The following CSTPP1 variants were observed in gnomAD, a reference collection of about 807,000 sequenced individuals.
CSTPP1 encodes centriolar satellite-associated tubulin polyglutamylase complex regulator 1.
chr11:47,009,205 G>C, the CSTPP1 span, among the ~76,000 whole-genome samples: 1 of 152,006 alleles, frequency 6.6e-6, no homozygotes, highest in Non-Finnish European at 1.5e-5. Flanking sequence ...TGCCTTGGTG[G>C]CTCTCTGATG....
chr11:46,944,318 A>C, the CSTPP1 span, among the ~76,000 whole-genome samples: 1 of 105,332 alleles, frequency 9.5e-6, no homozygotes, highest in South Asian at 2.3e-4. Flanking sequence ...ACTGCTTCTC[A>C]AAAAAAAAAA....
At chr11:46,948,667 A>G in the CSTPP1 span, among the ~76,000 whole-genome samples, 8 of 152,298 alleles carry the variant, frequency 5.3e-5, no homozygotes, top group East Asian at 1.5e-3. Context: ...AGAGTTTTAT[A>G]CACTCCTCAT....
chr11:47,137,213 T>G, the CSTPP1 span: 1 of 1,193,014 alleles, frequency 8.4e-7, no homozygotes. Flanking sequence ...TAGTACTGCT[T>G]CCAGATATTC....
chr11:46,949,560 G>T, the CSTPP1 span, among the ~76,000 whole-genome samples: 5 of 151,874 alleles, frequency 3.3e-5, no homozygotes, highest in African/African-American at 4.8e-5. Context: ...ATTTATTTTT[G>T]ATATCATATT....
chr11:47,061,516 G>T, the CSTPP1 span, among the ~76,000 whole-genome samples: 2 of 152,280 alleles, frequency 1.3e-5, no homozygotes, highest in African/African-American at 4.8e-5. Context: ...AAATCATTCA[G>T]TGAGGATTAA....
chr11:47,027,258 G>A, the CSTPP1 span, among the ~76,000 whole-genome samples: 4 of 152,164 alleles, frequency 2.6e-5, no homozygotes, highest in Non-Finnish European at 5.9e-5. Flanking sequence ...GCACCTGCGA[G>A]TTTACCATAG....
the CSTPP1 span, among the ~76,000 whole-genome samples, chr11:47,063,825 C>T: frequency 3.3e-5 from 5 of 152,104 alleles, no homozygotes; most frequent in Non-Finnish European, 5.9e-5. Flanking sequence ...CTTTCCATTA[C>T]TTTGGGCACA....
At chr11:47,136,917 T>C in the CSTPP1 span, among the ~76,000 whole-genome samples, 1 of 152,216 alleles carries the variant, frequency 6.6e-6, no homozygotes, top group African/African-American at 2.4e-5. Flanking sequence ...CAGGATCCTA[T>C]AAATTTCTCT....
At chr11:47,155,139 C>G in the CSTPP1 span, 2 of 1,541,600 alleles carry the variant, frequency 1.3e-6, no homozygotes, top group Non-Finnish European at 1.8e-6. Context: ...AAACCTCTCC[C>G]CCATTCTCTC....
the CSTPP1 span, among the ~76,000 whole-genome samples, chr11:47,033,288 A>T: frequency 2.0e-5 from 3 of 151,910 alleles, no homozygotes; most frequent in African/African-American, 7.3e-5. Flanking sequence ...TTTTTCTTCC[A>T]TTTGCTTTAG....
the CSTPP1 span, among the ~76,000 whole-genome samples, chr11:47,061,922 T>C: frequency 6.6e-6 from 1 of 152,144 alleles, no homozygotes; most frequent in African/African-American, 2.4e-5. Flanking sequence ...TTTAATGTTC[T>C]CTTTTTTTTC....
the CSTPP1 span, chr11:47,123,233 T>C: frequency 1.3e-5 from 2 of 152,166 alleles, no homozygotes; most frequent in East Asian, 3.9e-4. Flanking sequence ...ATAAGAAGCA[T>C]ACGTGTTATT....
At chr11:46,963,764 A>G in the CSTPP1 span, among the ~76,000 whole-genome samples, 2 of 151,050 alleles carry the variant, frequency 1.3e-5, no homozygotes, top group African/African-American at 4.9e-5. Flanking sequence ...CATCCTGGGC[A>G]ACAGAGTGAG....
chr11:47,027,530 A>AT, the CSTPP1 span, among the ~76,000 whole-genome samples: 2 of 152,232 alleles, frequency 1.3e-5, no homozygotes, highest in African/African-American at 4.8e-5. Context: ...TTCTTTATGG[A>AT]TTTGGGTAAC....
chr11:47,052,283 A>G, the CSTPP1 span: 3 of 1,411,614 alleles, frequency 2.1e-6, no homozygotes, highest in Non-Finnish European at 2.9e-6. Flanking sequence ...TGGGGAGAAA[A>G]ATTCCCCGTT....
the CSTPP1 span, among the ~76,000 whole-genome samples, chr11:46,972,529 T>C: frequency 6.6e-6 from 1 of 152,214 alleles, no homozygotes; most frequent in Non-Finnish European, 1.5e-5. Context: ...GTGTACACTT[T>C]CTGAAGAGAT....
the CSTPP1 span, chr11:47,158,020 C>A: frequency 1.0e-5 from 11 of 1,090,326 alleles, no homozygotes; most frequent in Non-Finnish European, 1.4e-5. Flanking sequence ...GAAGGGGCAT[C>A]ACCATCTCTG....
At chr11:46,936,689 A>T in the CSTPP1 span, 1 of 1,503,962 alleles carries the variant, frequency 6.6e-7, no homozygotes, top group Non-Finnish European at 8.9e-7. Flanking sequence ...TTTGTGTGAC[A>T]CCTCCTCCAG....
the CSTPP1 span, among the ~76,000 whole-genome samples, chr11:47,108,653 G>T: frequency 6.7e-6 from 1 of 149,844 alleles, no homozygotes; most frequent in African/African-American, 2.5e-5. Context: ...CTTGATTGGA[G>T]AATTAGAAAG....
Sources: allele counts gnomAD v4.1 joint callset (sites outside exome capture counted in the v4.1 genomes callset), GRCh38; gene constraint gnomAD v4.1.1; transcripts MANE v1.5; gene names NCBI Gene and HGNC (gene_info 2026-07-23, HGNC 2026-07-21).